Variants in HDAC9 observed in about 807,000 individuals in gnomAD.
HDAC9 encodes MEF-2 interacting transcription repressor (MITR) protein.
Under a neutral mutation model 139.4 loss-of-function variants are expected in HDAC9, and 41 were observed. That is an observed-to-expected ratio of 0.29 (90% CI 0.23 to 0.38). The LOEUF (loss-of-function observed/expected upper bound fraction) is 0.38, where lower values mean the gene tolerates loss of function less well. HDAC9 is among the 10% of genes least tolerant of loss of function. The pLI is 1.00. For synonymous variants in HDAC9, 517 were observed against 476.2 expected (o/e 1.09, Z -1.12); for missense variants, 1,147 against 1,297.0 (o/e 0.88, Z 1.78).
chr7:18,323,350 G>A (rs780842232), intron 1 of HDAC9, among the ~76,000 whole-genome samples: 16 of 152,108 alleles, frequency 1.1e-4, no homozygotes, highest in Non-Finnish European at 2.1e-4. Context: ...CTGACTTGTT[G>A]GCCCAGTTCT....
intron 17 of HDAC9, among the ~76,000 whole-genome samples, chr7:18,809,226 C>G (rs1793976378): frequency 6.6e-6 from 1 of 151,970 alleles, no homozygotes; most frequent in Non-Finnish European, 1.5e-5. Flanking sequence ...AGACATGAAA[C>G]TATAAAACTA....
intron 3 of HDAC9, among the ~76,000 whole-genome samples, chr7:18,586,391 ATTTTAT>A (rs1248992480): frequency 6.6e-6 from 1 of 152,084 alleles, no homozygotes; most frequent in African/African-American, 2.4e-5. Flanking sequence ...TACAACAAAA[ATTTTAT>A]TTTTATATCT....
At chr7:18,358,344 G>A (rs1212842525) in intron 1 of HDAC9, among the ~76,000 whole-genome samples, 1 of 152,206 alleles carries the variant, frequency 6.6e-6, no homozygotes, top group African/African-American at 2.4e-5. Context: ...TATGTAGGAG[G>A]TAGAAGAAAC....
At chr7:18,104,124 T>G (rs1783039405) in intron 1 of HDAC9, among the ~76,000 whole-genome samples, 1 of 152,226 alleles carries the variant, frequency 6.6e-6, no homozygotes, top group Non-Finnish European at 1.5e-5. Context: ...GGGGAGCATG[T>G]GCAAACTCTA....
chr7:18,239,928 G>A (rs1283195021), intron 2 of HDAC9, among the ~76,000 whole-genome samples: 3 of 150,132 alleles, frequency 2.0e-5, no homozygotes, highest in Admixed American at 6.6e-5. Context: ...TGTACAGCTC[G>A]CCTTTCCTGT....
At chr7:18,261,215 A>G (rs1452413607) in intron 2 of HDAC9, among the ~76,000 whole-genome samples, 4 of 152,046 alleles carry the variant, frequency 2.6e-5, no homozygotes, top group Non-Finnish European at 5.9e-5. Context: ...GGTTGAGGTG[A>G]GAGGATTGGT....
intron 1 of HDAC9, among the ~76,000 whole-genome samples, chr7:18,374,858 T>G (rs1034662975): frequency 1.3e-5 from 2 of 152,160 alleles, no homozygotes; most frequent in African/African-American, 4.8e-5. Context: ...ATAATGGAGC[T>G]GAAAAGTTCC....
intron 21 of HDAC9, among the ~76,000 whole-genome samples, chr7:18,848,582 C>T (rs1459740603): frequency 1.3e-5 from 2 of 151,754 alleles, no homozygotes; most frequent in African/African-American, 4.8e-5. Context: ...CAGGGCCCAA[C>T]CATCCTGGCA....
intron 22 of HDAC9, among the ~76,000 whole-genome samples, chr7:18,928,849 G>T (rs529249662): frequency 1.3e-5 from 2 of 151,714 alleles, no homozygotes; most frequent in African/African-American, 2.4e-5. Flanking sequence ...TCAAATAAAA[G>T]ATAACACTTT....
chr7:18,321,867 A>G (rs1800054470), intron 1 of HDAC9, among the ~76,000 whole-genome samples: 1 of 152,164 alleles, frequency 6.6e-6, no homozygotes. Flanking sequence ...TATTTCATTT[A>G]GAATTTATAT....
intron 2 of HDAC9, among the ~76,000 whole-genome samples, chr7:18,579,080 A>C (rs963470752): frequency 1.1e-4 from 17 of 152,274 alleles, no homozygotes; most frequent in Admixed American, 3.3e-4. Context: ...GCATCAGTGC[A>C]CATCTTGGTA....
chr7:18,124,136 T>C (rs1458647897), intron 1 of HDAC9, among the ~76,000 whole-genome samples: 1 of 152,134 alleles, frequency 6.6e-6, no homozygotes, highest in African/African-American at 2.4e-5. Flanking sequence ...TAAGTTCTAG[T>C]TGAAGTATAG....
At chr7:18,835,725 A>G in intron 20 of HDAC9, 139 bp downstream of exon 20, 1 of 1,231,212 alleles carries the variant, frequency 8.1e-7, no homozygotes, top group Non-Finnish European at 1.2e-6. Flanking sequence ...GGGACCAAGA[A>G]CCAGTGCAGA....
chr7:18,923,066 T>G (rs1407396681), intron 22 of HDAC9, among the ~76,000 whole-genome samples: 1 of 152,064 alleles, frequency 6.6e-6, no homozygotes, highest in Non-Finnish European at 1.5e-5. Flanking sequence ...CACTATGAAT[T>G]TCTTTTGTCA....
At chr7:18,365,852 A>G (rs1204678747) in intron 1 of HDAC9, among the ~76,000 whole-genome samples, 1 of 152,008 alleles carries the variant, frequency 6.6e-6, no homozygotes, top group African/African-American at 2.4e-5. Context: ...AACTAATAGT[A>G]ATTTCCAAAT....
chr7:18,398,154 T>C (rs1787220896), intron 1 of HDAC9, among the ~76,000 whole-genome samples: 1 of 152,226 alleles, frequency 6.6e-6, no homozygotes, highest in African/African-American at 2.4e-5. Context: ...TAGCTTCTAC[T>C]TATGAGTATT....
chr7:18,917,398 A>G (rs1241578845), intron 22 of HDAC9, among the ~76,000 whole-genome samples: 1 of 151,962 alleles, frequency 6.6e-6, no homozygotes, highest in African/African-American at 2.4e-5. Flanking sequence ...ATGTTGAACT[A>G]CTCTTTCAAA....
intron 1 of HDAC9, among the ~76,000 whole-genome samples, chr7:18,384,131 G>A (rs1182692730): frequency 2.0e-5 from 3 of 151,802 alleles, no homozygotes; most frequent in East Asian, 3.9e-4. Flanking sequence ...GGCAACATAG[G>A]AAGATCTCAT....
chr7:18,475,748 AT>A (rs997372231), intron 1 of HDAC9, among the ~76,000 whole-genome samples: 1 of 152,164 alleles, frequency 6.6e-6, no homozygotes, highest in Non-Finnish European at 1.5e-5. Flanking sequence ...CTGCAGGGAA[AT>A]TTTCTTCTGG....
Sources: allele counts gnomAD v4.1 joint callset (sites outside exome capture counted in the v4.1 genomes callset), GRCh38; gene constraint gnomAD v4.1.1; transcripts MANE v1.5; gene names NCBI Gene and HGNC (gene_info 2026-07-23, HGNC 2026-07-21).